The following BDNF variants were observed in gnomAD, a reference collection of about 807,000 sequenced individuals.
The protein encoded by BDNF is brain derived neurotrophic factor.
BDNF carries 1 observed loss-of-function variant against 19.5 expected under a neutral mutation model. The ratio of observed to expected loss-of-function variants is 0.05; its 90% confidence interval spans 0.02 to 0.24. BDNF has a LOEUF of 0.24. Ranked by LOEUF, BDNF falls within the 10% of genes least tolerant of loss-of-function variation. The pLI, the probability that BDNF is intolerant of heterozygous loss-of-function variation, is 1.00. For missense variants in BDNF, 195 were observed against 317.6 expected (o/e 0.61, Z 2.93); for synonymous variants, 100 against 121.6 (o/e 0.82, Z 1.17).
At chr11:27,712,884 G>C (rs927865876) in intron 1 of BDNF, among the ~76,000 whole-genome samples, 3 of 150,770 alleles carry the variant, frequency 2.0e-5, no homozygotes, top group African/African-American at 7.3e-5. Context: ...TGAGTCCATG[G>C]CATGAAAGTC....
chr11:27,691,590 T>A (rs1323959958), intron 1 of BDNF, among the ~76,000 whole-genome samples: 4 of 152,162 alleles, frequency 2.6e-5, no homozygotes, highest in Non-Finnish European at 2.9e-5. Flanking sequence ...CTGACACTAT[T>A]AATACCTAAA....
At chr11:27,683,165 A>G (rs1857055467) in intron 1 of BDNF, among the ~76,000 whole-genome samples, 1 of 152,182 alleles carries the variant, frequency 6.6e-6, no homozygotes, top group Non-Finnish European at 1.5e-5. Context: ...ACCAGTGATG[A>G]TGAGCTTTTC....
chr11:27,674,338 C>A, intron 1 of BDNF: 1 of 1,541,962 alleles, frequency 6.5e-7, no homozygotes, highest in South Asian at 1.2e-5. Context: ...CTTTTAATTA[C>A]TTAACTGTAA....
Position 27,674,749 on chromosome 11 carries a change from A to C in BDNF, c.-21-16164T>G, listed in dbSNP as rs572405567. The C allele has an allele frequency of 7.6e-5, 75 of 980,680 alleles. No homozygotes were observed. The Admixed American group carries it at 1.1e-3, about 14-fold the overall frequency. 60.7% of individuals were successfully genotyped at this position (980,680 alleles called of 1,614,324 possible). On this transcript the variant is annotated intron_variant, in intron 1 of 1. Coordinates refer to ENST00000356660, the MANE Select transcript of BDNF (RefSeq NM_001709.5). ...TTCACTAAACACTGATTCCTATAGA[A>C]GACATGCAAACTCAAATACCAACAT...
In BDNF at chr11:27,658,342, G is replaced by C. The variant is rs139352447; in HGVS notation, c.223C>G (p.Gln75Glu). The change falls in exon 2 of 2, where the codon CAG becomes GAG. Residue 75 changes from glutamine (Q) to glutamate (E), a missense_variant. By Grantham distance (29) the Gln-to-Glu change is conservative. Transcript: ENST00000356660. This position sits in a 1 kb window ranked among gnomAD's most constrained non-coding sequence, Gnocchi z 5.7. Reference sequence around the variant, plus strand: ...TTTTCTTCATTGGGCCGAACTTTCTGGTCCTCATCCAACAGCTCTTCTATC... The same window carrying C: ...TTTTCTTCATTGGGCCGAACTTTCTCGTCCTCATCCAACAGCTCTTCTATC... The part of the protein sequence containing the change: ...HVIEELLDED[Q>E]KVRPNEENNK... 336 of 1,614,012 alleles carry C rather than the reference G, an allele frequency of 2.1e-4. No homozygotes were observed. Among genetic ancestry groups the C allele is most frequent in the Non-Finnish European group, 2.7e-4 (322 of 1,180,026 alleles).
At chr11:27,699,312 CCTT>C (rs1308639728) in intron 1 of BDNF, 5 of 1,596,506 alleles carry the variant, frequency 3.1e-6, no homozygotes, top group Admixed American at 3.3e-5. Flanking sequence ...TGTAATCTCC[CCTT>C]CTTCTTGCCC....
chr11:27,673,741 G>T (rs1855713702), intron 1 of BDNF, among the ~76,000 whole-genome samples: 1 of 152,120 alleles, frequency 6.6e-6, no homozygotes, highest in Admixed American at 6.5e-5. Context: ...TATAGAAAGA[G>T]TATCTGTACA....
chr11:27,657,552 G>A lies in BDNF; in HGVS notation c.*269C>T. On this transcript the variant is annotated 3_prime_UTR_variant, in exon 2 of 2. Transcript: ENST00000356660. The surrounding 1 kb of genome is among the most constrained non-coding windows in gnomAD (Gnocchi z 5.0). ...TTTATTATTTTTTTTAACTTTTTAT[G>A]TTTTCAGTTCTTGGCAACGGCAACA... 8.3e-7 allele frequency: 1 copy of A among 1,199,758 alleles called. No homozygotes were observed. The allele number at this position is 1,199,758 out of a possible 1,614,324, so 74.3% of individuals were successfully genotyped here.
rs55917552 is a variant in BDNF at position 27,659,629 on chromosome 11, C to CTG, written c.-21-1046_-21-1045dup. 253,963 of 979,916 alleles carry CTG rather than the reference C, an allele frequency of 0.26. 20,025 individuals carry two copies. Among genetic ancestry groups the CTG allele is most frequent in the African/African-American group, 0.45 (25,074 of 55,982 alleles). The allele number at this position is 979,916 out of a possible 1,614,324, so 60.7% of individuals were successfully genotyped here. A position where few individuals can be genotyped will look rare whatever the true frequency, so the allele number is the denominator to read the frequency against. ...TTTCTTTTTACTAGAGATGTTCTCT[C>CTG]TGTGTGTGTGTGTGTGTGTGCGCGC... On this transcript the variant is annotated intron_variant, in intron 1 of 1. Transcript: ENST00000356660.
At chr11:27,713,153 C>T (rs552805341) in intron 1 of BDNF, among the ~76,000 whole-genome samples, 1 of 152,282 alleles carries the variant, frequency 6.6e-6, no homozygotes, top group Non-Finnish European at 1.5e-5. Flanking sequence ...CTCACCTCGG[C>T]CTCCCAAAGT....
chr11:27,682,212 A>G (rs1017476741), intron 1 of BDNF, among the ~76,000 whole-genome samples: 1 of 152,004 alleles, frequency 6.6e-6, no homozygotes, highest in Non-Finnish European at 1.5e-5. Flanking sequence ...TGTCCCATAC[A>G]TCCAAACCAT....
At chr11:27,692,508 A>AT (rs1470806105) in intron 1 of BDNF, among the ~76,000 whole-genome samples, 5 of 151,480 alleles carry the variant, frequency 3.3e-5, no homozygotes, top group African/African-American at 4.9e-5. Flanking sequence ...GGCTTGGATA[A>AT]TTTTTTTTGT....
intron 1 of BDNF, among the ~76,000 whole-genome samples, chr11:27,708,822 CCT>C (rs1860212025): frequency 2.2e-5 from 3 of 134,266 alleles, no homozygotes; most frequent in African/African-American, 5.5e-5. Flanking sequence ...TTTTAGAATT[CCT>C]CTTTTTTTTT....
chr11:27,679,478 A>C (rs72878196), intron 1 of BDNF, among the ~76,000 whole-genome samples: 8,497 of 152,284 alleles, frequency 0.056, 587 homozygotes, highest in African/African-American at 0.16. Flanking sequence ...ATCATTTTCA[A>C]GGTTGCTTCA....
At chr11:27,695,874 GA>G (rs1858926992) in intron 1 of BDNF, among the ~76,000 whole-genome samples, 2 of 151,772 alleles carry the variant, frequency 1.3e-5, no homozygotes. Flanking sequence ...AAGTGCCCTA[GA>G]GCTTCTACTT....
intron 1 of BDNF, among the ~76,000 whole-genome samples, chr11:27,664,515 A>T (rs902481392): frequency 3.6e-4 from 55 of 152,198 alleles, no homozygotes; most frequent in Non-Finnish European, 8.8e-5. Flanking sequence ...GCAGTGGCTC[A>T]CATTTGTAAT....
Position 27,658,852 on chromosome 11 carries a change from A to C in BDNF, c.-21-267T>G. ...TAGATGGCTTCTAAGCAAGTGCAAA[A>C]ATTGTGGCTTCAAGTTCTCCTTCTT... On this transcript the variant is annotated intron_variant, in intron 1 of 1. Coordinates refer to ENST00000356660, the MANE Select transcript of BDNF (RefSeq NM_001709.5). The surrounding 1 kb of genome is among the most constrained non-coding windows in gnomAD (Gnocchi z 5.7). The C allele has an allele frequency of 7.5e-7, 1 of 1,324,938 alleles. No individual in the cohort carries two copies. Among genetic ancestry groups the C allele is most frequent in the Non-Finnish European group, 9.7e-7 (1 of 1,030,060 alleles). 82.1% of individuals were successfully genotyped at this position (1,324,938 alleles called of 1,614,324 possible).
intron 1 of BDNF, among the ~76,000 whole-genome samples, chr11:27,685,583 T>A (rs1857376817): frequency 6.6e-6 from 1 of 152,222 alleles, no homozygotes; most frequent in Non-Finnish European, 1.5e-5. Context: ...GTCCCAGAGA[T>A]TCTGGTATGT....
chr11:27,700,038 T>C (rs1224478252), intron 1 of BDNF, 126 bp downstream of exon 1: 8 of 891,338 alleles, frequency 9.0e-6, no homozygotes, highest in Non-Finnish European at 1.1e-5. Flanking sequence ...TCGTCCCTTC[T>C]ACCGGAGGGG....
Sources: gnomAD v4.1 joint callset for allele counts (sites outside exome capture counted in the v4.1 genomes callset) on GRCh38, gnomAD v4.1.1 for gene constraint, Gnocchi (gnomAD v3.1) non-coding constraint, MANE v1.5 for transcripts, NCBI Gene and HGNC (gene_info 2026-07-23, HGNC 2026-07-21) for gene names.